Variants in TRPM3 observed in about 807,000 individuals in gnomAD.
The protein encoded by TRPM3 is long transient receptor potential channel 3.
TRPM3 carries 77 observed loss-of-function variants against 181.2 expected under a neutral mutation model. The observed-to-expected ratio is 0.42, with a 90% CI of 0.35 to 0.51. The LOEUF is 0.51. TRPM3 is among the 20% of genes least tolerant of loss of function. TRPM3 has a pLI of 0.01. For synonymous variants in TRPM3, 745 were observed against 796.4 expected (o/e 0.94, Z 1.09); for missense variants, 1,759 against 2,196.7 (o/e 0.80, Z 3.98).
chr9:70,575,123 T>TC (rs2053596641), intron 22 of TRPM3, among the ~76,000 whole-genome samples: 2 of 150,840 alleles, frequency 1.3e-5, no homozygotes, highest in Admixed American at 6.6e-5. Context: ...TTTTTTTTTT[T>TC]TTTGTAGAGA....
At chr9:70,886,698 C>G (rs1231747367) in intron 1 of TRPM3, among the ~76,000 whole-genome samples, 4 of 151,728 alleles carry the variant, frequency 2.6e-5, no homozygotes, top group Non-Finnish European at 5.9e-5. Flanking sequence ...GAATTTCGCT[C>G]TTGTCGCCCA....
chr9:71,293,389 C>A (rs1430724549), intron 1 of TRPM3, among the ~76,000 whole-genome samples: 1 of 151,766 alleles, frequency 6.6e-6, no homozygotes, highest in South Asian at 2.1e-4. Context: ...AAAACTTAAG[C>A]ATTTCCAAAT....
chr9:71,162,215 AAAAAAGAAG>A (rs1241264657), intron 1 of TRPM3, among the ~76,000 whole-genome samples: 1 of 150,520 alleles, frequency 6.6e-6, no homozygotes, highest in African/African-American at 2.4e-5. Flanking sequence ...AAAAAAAAAA[AAAAAAGAAG>A]AAAAAGAAAA....
intron 18 of TRPM3, 94 bp downstream of exon 18, chr9:70,615,814 C>T: frequency 7.7e-7 from 1 of 1,293,466 alleles, no homozygotes; most frequent in Non-Finnish European, 1.1e-6. Flanking sequence ...GAACAGATGT[C>T]TGACCTAAGG....
intron 1 of TRPM3, among the ~76,000 whole-genome samples, chr9:71,050,814 C>G (rs574585958): frequency 4.7e-4 from 71 of 152,324 alleles, no homozygotes; most frequent in African/African-American, 1.6e-3. Flanking sequence ...ATCTTGGCCT[C>G]TCTTCAAATA....
At chr9:71,143,674 G>C (rs1175448230) in intron 1 of TRPM3, among the ~76,000 whole-genome samples, 1 of 152,142 alleles carries the variant, frequency 6.6e-6, no homozygotes, top group Non-Finnish European at 1.5e-5. Context: ...CTTTCTAATA[G>C]AATGATTTAT....
chr9:71,000,468 AAAGT>A (rs1371419981), intron 1 of TRPM3, among the ~76,000 whole-genome samples: 1 of 152,246 alleles, frequency 6.6e-6, no homozygotes, highest in Non-Finnish European at 1.5e-5. Flanking sequence ...TGTTCAATGA[AAAGT>A]AAGTGTTAAC....
intron 1 of TRPM3, among the ~76,000 whole-genome samples, chr9:71,318,712 C>A (rs1257380579): frequency 6.6e-6 from 1 of 152,082 alleles, no homozygotes; most frequent in African/African-American, 2.4e-5. Context: ...TTAAAGAGAA[C>A]TTTAAAATTA....
intron 1 of TRPM3, among the ~76,000 whole-genome samples, chr9:71,431,627 C>T (rs2093954738): frequency 6.6e-6 from 1 of 152,058 alleles, no homozygotes; most frequent in Admixed American, 6.5e-5. Flanking sequence ...AGCATATTGA[C>T]AAAAAATTAA....
intron 1 of TRPM3, among the ~76,000 whole-genome samples, chr9:71,244,774 T>C (rs1233212341): frequency 1.3e-5 from 2 of 151,936 alleles, no homozygotes; most frequent in Non-Finnish European, 2.9e-5. Flanking sequence ...GGGAAGAAAA[T>C]ACCACCTAAT....
intron 1 of TRPM3, among the ~76,000 whole-genome samples, chr9:71,389,615 CTG>C (rs2093013258): frequency 6.6e-6 from 1 of 152,036 alleles, no homozygotes; most frequent in Non-Finnish European, 1.5e-5. Flanking sequence ...GATAAATAAA[CTG>C]TGGTGTACAT....
intron 1 of TRPM3, among the ~76,000 whole-genome samples, chr9:71,360,018 C>T (rs897241265): frequency 6.6e-6 from 1 of 152,110 alleles, no homozygotes; most frequent in African/African-American, 2.4e-5. Flanking sequence ...ACACTTATTA[C>T]ATACAAAAGA....
At chr9:71,410,965 C>T (rs980535282) in intron 1 of TRPM3, among the ~76,000 whole-genome samples, 9 of 152,124 alleles carry the variant, frequency 5.9e-5, no homozygotes, top group Non-Finnish European at 1.0e-4. Context: ...AATCAATAAA[C>T]GTAATCCATC....
chr9:70,802,760 G>T, intron 6 of TRPM3, among the ~76,000 whole-genome samples: 1 of 152,148 alleles, frequency 6.6e-6, no homozygotes, highest in Middle Eastern at 3.4e-3. Flanking sequence ...GCTACGATTC[G>T]ACCCTATTTT....
intron 6 of TRPM3, among the ~76,000 whole-genome samples, chr9:70,809,774 T>C (rs1420283542): frequency 6.6e-6 from 1 of 152,210 alleles, no homozygotes; most frequent in East Asian, 1.9e-4. Flanking sequence ...AGTCACATGG[T>C]TTGGACCCAG....
At chr9:71,070,370 CAG>C (rs1383568070) in intron 1 of TRPM3, among the ~76,000 whole-genome samples, 1 of 152,218 alleles carries the variant, frequency 6.6e-6, no homozygotes, top group Non-Finnish European at 1.5e-5. Flanking sequence ...CTGATTGAAA[CAG>C]AGAGGACTGT....
intron 1 of TRPM3, among the ~76,000 whole-genome samples, chr9:70,905,353 C>T (rs1280722640): frequency 2.0e-5 from 3 of 152,164 alleles, no homozygotes; most frequent in African/African-American, 4.8e-5. Context: ...AACCAATATT[C>T]CCTAAACGAA....
At chr9:70,581,325 T>G (rs1670566664) in intron 22 of TRPM3, among the ~76,000 whole-genome samples, 1 of 152,282 alleles carries the variant, frequency 6.6e-6, no homozygotes, top group South Asian at 2.1e-4. Flanking sequence ...AGGCCTGATG[T>G]TCTAGATATC....
intron 1 of TRPM3, among the ~76,000 whole-genome samples, chr9:70,874,358 T>C (rs1008715327): frequency 6.6e-6 from 1 of 151,972 alleles, no homozygotes; most frequent in Non-Finnish European, 1.5e-5. Flanking sequence ...CTTAATAACA[T>C]TGTATGGTAG....
Sources: allele counts gnomAD v4.1 joint callset (sites outside exome capture counted in the v4.1 genomes callset), GRCh38; gene constraint gnomAD v4.1.1; transcripts MANE v1.5; gene names NCBI Gene and HGNC (gene_info 2026-07-23, HGNC 2026-07-21).